The following MEMO1 variants were observed in gnomAD, a reference collection of about 807,000 sequenced individuals.
MEMO1 encodes mediator of cell motility 1, also known as protein MEMO1.
Under a neutral mutation model 45.2 loss-of-function variants are expected in MEMO1, and 6 were observed. The ratio of observed to expected loss-of-function variants is 0.13; its 90% CI spans 0.07 to 0.26. The LOEUF is 0.26. Ranked by LOEUF, MEMO1 falls within the 10% of genes least tolerant of loss-of-function variation. The probability of loss-of-function intolerance (pLI) is 1.00; values close to 1 mark genes in which losing one functional copy is unlikely to be tolerated. For missense variants in MEMO1, 184 were observed against 370.5 expected, an observed-to-expected ratio of 0.50 and a Z score of 4.13; for synonymous variants, 78 against 124.3, an observed-to-expected ratio of 0.63 and a Z score of 2.48.
intron 4 of MEMO1, chr2:31,923,878 C>T: frequency 9.5e-7 from 1 of 1,055,322 alleles, no homozygotes; most frequent in African/African-American, 1.6e-5. Context: ...CAGAGGTCTG[C>T]TGGAAGCCTA....
At chr2:31,976,190 G>T (rs1397140399) in intron 2 of MEMO1, among the ~76,000 whole-genome samples, 1 of 152,180 alleles carries the variant, frequency 6.6e-6, no homozygotes, top group Non-Finnish European at 1.5e-5. Context: ...AATAGAGTTG[G>T]AAGTAGAAAA....
chr2:31,964,596 G>C (rs907321103), intron 2 of MEMO1, among the ~76,000 whole-genome samples: 2 of 152,102 alleles, frequency 1.3e-5, no homozygotes, highest in African/African-American at 4.8e-5. Flanking sequence ...AGCTACTCCA[G>C]AGGCTGAAGC....
chr2:32,010,131 C>G lies in MEMO1; in HGVS notation c.61+56G>C. Reference sequence around the variant, plus strand: ...GGCCGGGCCGCCGACCTCGGCCGGCCGGGCGTGGGGCCAGGCGGCGACGGC... The same window carrying G: ...GGCCGGGCCGCCGACCTCGGCCGGCGGGGCGTGGGGCCAGGCGGCGACGGC... On this transcript the variant is annotated intron_variant, in intron 2 of 9. Coordinates refer to ENST00000404530, the MANE Select transcript of MEMO1 (RefSeq NM_001301833.4). 3.2e-6 allele frequency: 3 copies of G among 944,920 alleles called. 1 individual carries two copies. The highest frequency in any genetic ancestry group is 8.6e-5 in the South Asian group (2 of 23,144). 58.5% of individuals were successfully genotyped at this position (944,920 alleles called of 1,614,324 possible). A position where few individuals can be genotyped will look rare whatever the true frequency, so the allele number is the denominator to read the frequency against.
At chr2:31,871,632 T>A (rs1201274171) in intron 8 of MEMO1, among the ~76,000 whole-genome samples, 1 of 152,150 alleles carries the variant, frequency 6.6e-6, no homozygotes. Context: ...GCTAAGTTGG[T>A]TGTCCCCTGC....
chr2:31,965,449 G>T (rs539182112), intron 2 of MEMO1, among the ~76,000 whole-genome samples: 1 of 152,194 alleles, frequency 6.6e-6, no homozygotes, highest in South Asian at 2.1e-4. Flanking sequence ...CTTGTAAATG[G>T]GGTAAATGAG....
rs75069632 is a variant in MEMO1 at position 31,930,062 on chromosome 2, C to T, written c.212+2005G>A. On this transcript the variant is annotated intron_variant, in intron 4 of 9. Transcript: ENST00000404530. ...ATCACCCGCAGTCAGGAATTTGAAACCAGCCTGGCCAAAGCCAGGCGAAAG... is the reference window on the plus strand; with the variant it reads ...ATCACCCGCAGTCAGGAATTTGAAATCAGCCTGGCCAAAGCCAGGCGAAAG... Among the ~76,000 whole-genome samples, 44 of 152,318 alleles carry T rather than the reference C, an allele frequency of 2.9e-4. 1 individual carries two copies. In the East Asian group the frequency reaches 4.6e-3, roughly 16 times the overall value.
intron 6 of MEMO1, among the ~76,000 whole-genome samples, chr2:31,910,084 T>C (rs1171477872): frequency 3.9e-5 from 6 of 152,026 alleles, no homozygotes. Context: ...TCAGAAACCG[T>C]GCAAGAAGTG....
At chr2:31,973,203 C>A (rs1211142246) in intron 2 of MEMO1, among the ~76,000 whole-genome samples, 1 of 152,126 alleles carries the variant, frequency 6.6e-6, no homozygotes, top group Non-Finnish European at 1.5e-5. Flanking sequence ...CCTGTAATCC[C>A]AGCACTTTGG....
chr2:31,904,806 C>A (rs983666910), intron 6 of MEMO1, among the ~76,000 whole-genome samples: 1 of 152,178 alleles, frequency 6.6e-6, no homozygotes, highest in African/African-American at 2.4e-5. Flanking sequence ...ATCATCACTG[C>A]AGTTTTAAAG....
At chr2:31,942,282 A>T (rs950842369) in intron 3 of MEMO1, among the ~76,000 whole-genome samples, 1 of 152,206 alleles carries the variant, frequency 6.6e-6, no homozygotes, top group Non-Finnish European at 1.5e-5. Flanking sequence ...TTGCTATTCC[A>T]TGTTGCACCA....
chr2:31,900,763 T>C lies in MEMO1; in HGVS notation c.438-8629A>G, dbSNP rs373214885. ...CAGCATAATGAGATTACACTAAATG[T>C]CTATCAGAATGGCTATAATCAAAAA... On this transcript the variant is annotated intron_variant, in intron 6 of 9. Transcript: ENST00000404530. Among the ~76,000 whole-genome samples, 26 of 152,050 alleles carry C rather than the reference T, an allele frequency of 1.7e-4. No homozygotes were observed. In the South Asian group the frequency reaches 4.8e-3, roughly 28 times the overall value.
chr2:31,928,112 A>C (rs576631627), intron 4 of MEMO1, among the ~76,000 whole-genome samples: 67 of 152,320 alleles, frequency 4.4e-4, no homozygotes, highest in African/African-American at 1.5e-3. Context: ...TTCTCTTGGA[A>C]AACAACACCT....
In MEMO1 at chr2:31,979,401, T is replaced by A. The variant is rs181671237; in HGVS notation, c.61+30786A>T. ...ATGCAAGAGCTATCCCTAATGTTCA[T>A]TTTATTTTTCTTTGCTGTCTCTAAA... On this transcript the variant is annotated intron_variant, in intron 2 of 9. Coordinates refer to ENST00000404530, the MANE Select transcript of MEMO1 (RefSeq NM_001301833.4). Among the ~76,000 whole-genome samples, 41 of 152,338 alleles carry A rather than the reference T, an allele frequency of 2.7e-4. No individual in the cohort carries two copies. The East Asian group carries it at 7.9e-3, about 29-fold the overall frequency.
chr2:31,952,572 G>A (rs945824027), intron 2 of MEMO1, among the ~76,000 whole-genome samples: 4 of 152,042 alleles, frequency 2.6e-5, no homozygotes, highest in Non-Finnish European at 5.9e-5. Flanking sequence ...CCATTAATTT[G>A]GATTCTCTCT....
intron 2 of MEMO1, among the ~76,000 whole-genome samples, chr2:31,992,521 C>T (rs1469919511): frequency 6.6e-6 from 1 of 152,214 alleles, no homozygotes; most frequent in East Asian, 1.9e-4. Flanking sequence ...CAGTGGTTCA[C>T]ACCTCTAATC....
chr2:31,909,265 A>G (rs1442279843), intron 6 of MEMO1, among the ~76,000 whole-genome samples: 1 of 152,242 alleles, frequency 6.6e-6, no homozygotes, highest in Non-Finnish European at 1.5e-5. Context: ...AGCCAGAACA[A>G]TTAGTCAAGA....
chr2:31,962,920 T>C (rs1370131482), intron 2 of MEMO1, among the ~76,000 whole-genome samples: 1 of 152,214 alleles, frequency 6.6e-6, no homozygotes, highest in Non-Finnish European at 1.5e-5. Context: ...TTATCCTCCC[T>C]ATGTGGGTAG....
chr2:31,888,023 G>A (rs1290427899), intron 7 of MEMO1, among the ~76,000 whole-genome samples: 2 of 152,036 alleles, frequency 1.3e-5, no homozygotes, highest in South Asian at 2.1e-4. Context: ...AAATATAAAT[G>A]TATGCATAAA....
chr2:31,877,967 C>G lies in MEMO1; in HGVS notation c.657+5419G>C, dbSNP rs529291710. On this transcript the variant is annotated intron_variant, in intron 8 of 9. Coordinates refer to ENST00000404530, the MANE Select transcript of MEMO1 (RefSeq NM_001301833.4). ...ACTATTCTAGGCACTTTGTATACAT[C>G]GGAGAACAAAACAAATATCCTGATT... Among the ~76,000 whole-genome samples, 9 of 152,034 alleles carry G rather than the reference C, an allele frequency of 5.9e-5. No individual in the cohort carries two copies. The South Asian group carries it at 8.3e-4, about 14-fold the overall frequency.
Sources: allele counts gnomAD v4.1 joint callset (sites outside exome capture counted in the v4.1 genomes callset), GRCh38; gene constraint gnomAD v4.1.1; transcripts MANE v1.5; gene names NCBI Gene and HGNC (gene_info 2026-07-23, HGNC 2026-07-21).